The following EYS variants were observed in gnomAD, a reference collection of about 807,000 sequenced individuals.
EYS encodes the protein EGF-like photoreceptor maintenance factor, also known as protein eyes shut homolog.
Under a neutral mutation model 282.1 loss-of-function variants are expected in EYS, and 250 were observed. That is an observed-to-expected ratio of 0.89 (90% CI 0.80 to 0.98). EYS has a LOEUF of 0.98. EYS is among the 50% of genes least tolerant of loss of function. EYS has a pLI of 0.00. For missense variants in EYS, 4,016 were observed against 3,709.0 expected (o/e 1.08, Z -2.15); for synonymous variants, 1,355 against 1,282.9 (o/e 1.06, Z -1.20).
At chr6:65,603,611 A>C (rs1765684196) in intron 2 of EYS, among the ~76,000 whole-genome samples, 1 of 152,018 alleles carries the variant, frequency 6.6e-6, no homozygotes, top group South Asian at 2.1e-4. Flanking sequence ...TACATATCAC[A>C]CTGAAGAGGT....
At chr6:64,161,096 T>A (rs1775092710) in intron 31 of EYS, among the ~76,000 whole-genome samples, 1 of 152,226 alleles carries the variant, frequency 6.6e-6, no homozygotes, top group Non-Finnish European at 1.5e-5. Flanking sequence ...ACATGTTACT[T>A]GAATTACCAA....
intron 29 of EYS, among the ~76,000 whole-genome samples, chr6:64,351,035 A>T (rs956729546): frequency 6.7e-6 from 1 of 149,588 alleles, no homozygotes; most frequent in South Asian, 2.1e-4. Context: ...AGGCCTACCC[A>T]GCCATGTGAA....
chr6:64,078,213 A>G (rs1277949676), intron 32 of EYS, among the ~76,000 whole-genome samples: 2 of 152,212 alleles, frequency 1.3e-5, no homozygotes, highest in African/African-American at 4.8e-5. Context: ...AATGGAATTG[A>G]GTTGAACTGA....
At chr6:65,616,649 G>T (rs1358561093) in intron 2 of EYS, among the ~76,000 whole-genome samples, 1 of 151,936 alleles carries the variant, frequency 6.6e-6, no homozygotes, top group Non-Finnish European at 1.5e-5. Flanking sequence ...TGCTGGGTGT[G>T]GTGGCACGTG....
At chr6:65,577,485 C>G (rs139263539) in intron 2 of EYS, among the ~76,000 whole-genome samples, 214 of 151,782 alleles carry the variant, frequency 1.4e-3, no homozygotes, top group African/African-American at 5.0e-3. Context: ...GGAAAAAACA[C>G]AGAGGAAAAG....
chr6:64,046,424 C>A (rs1334219039), intron 33 of EYS, among the ~76,000 whole-genome samples: 1 of 152,082 alleles, frequency 6.6e-6, no homozygotes, highest in Non-Finnish European at 1.5e-5. Flanking sequence ...TGAAAAGGAT[C>A]ATCTTTATGA....
chr6:65,319,585 A>C (rs6938639), intron 11 of EYS, among the ~76,000 whole-genome samples: 1,580 of 152,226 alleles, frequency 0.01, 21 homozygotes, highest in African/African-American at 0.036. Context: ...CTTTATTAAG[A>C]TGATGTCCAA....
chr6:64,044,373 A>G (rs2149839275), intron 33 of EYS, among the ~76,000 whole-genome samples: 1 of 152,292 alleles, frequency 6.6e-6, no homozygotes, highest in Middle Eastern at 3.4e-3. Flanking sequence ...TCTGCCCATC[A>G]GTATTACCTC....
At chr6:65,589,852 T>C (rs569966615) in intron 2 of EYS, among the ~76,000 whole-genome samples, 18 of 152,112 alleles carry the variant, frequency 1.2e-4, no homozygotes, top group African/African-American at 4.3e-4. Context: ...TAATGGCCTA[T>C]GTTTTAACTT....
intron 31 of EYS, among the ~76,000 whole-genome samples, chr6:64,142,100 C>G (rs1163928680): frequency 6.6e-6 from 1 of 151,916 alleles, no homozygotes; most frequent in Non-Finnish European, 1.5e-5. Context: ...CCTAGGAGTC[C>G]TCGAGGTGGA....
In EYS at chr6:65,490,672, G is replaced by T; in HGVS notation, c.784C>A (p.Pro262Thr). ...CAGTTTCCATGGAAACAGACATGTG[G>T]TTGACACTGGCCAATTATTTCTGAG... ...NCSEIIGQCQ[P>T]HVCFHGNCSN... Residue 262 changes from proline to threonine, a missense_variant, in exon 5 of 43, where the codon CCA becomes ACA. Pro to Thr is a conservative substitution (Grantham distance 38). Transcript: ENST00000503581. 1 of 1,612,486 alleles carries T rather than the reference G, an allele frequency of 6.2e-7. No individual in the cohort carries two copies. The highest frequency in any genetic ancestry group is 8.5e-7 in the Non-Finnish European group (1 of 1,178,904).
intron 10 of EYS, among the ~76,000 whole-genome samples, chr6:65,338,551 C>T (rs996420082): frequency 6.6e-6 from 1 of 150,926 alleles, no homozygotes; most frequent in African/African-American, 2.4e-5. Flanking sequence ...TTTCACAGGT[C>T]AACTGTATAT....
chr6:64,085,344 A>G (rs867073338), intron 31 of EYS, among the ~76,000 whole-genome samples: 4 of 148,164 alleles, frequency 2.7e-5, no homozygotes, highest in African/African-American at 5.1e-5. Flanking sequence ...GCGCGCGCAC[A>G]CACACACACA....
chr6:64,624,922 T>C (rs528376720), intron 23 of EYS, among the ~76,000 whole-genome samples: 1 of 152,248 alleles, frequency 6.6e-6, no homozygotes, highest in East Asian at 1.9e-4. Context: ...TGGAGTTCAG[T>C]GGCTATCCAC....
chr6:65,005,854 G>A (rs566719107), intron 13 of EYS, among the ~76,000 whole-genome samples: 11 of 152,330 alleles, frequency 7.2e-5, no homozygotes, highest in Admixed American at 3.9e-4. Flanking sequence ...TCGCCCATGC[G>A]TGCACCCCTA....
At chr6:64,049,861 G>A (rs1174961146) in intron 33 of EYS, among the ~76,000 whole-genome samples, 1 of 152,104 alleles carries the variant, frequency 6.6e-6, no homozygotes, top group Non-Finnish European at 1.5e-5. Context: ...TCATAAAAAC[G>A]GGGTTCATGT....
intron 40 of EYS, among the ~76,000 whole-genome samples, chr6:63,766,525 G>T (rs1268506859): frequency 1.3e-5 from 2 of 152,064 alleles, no homozygotes; most frequent in African/African-American, 4.8e-5. Context: ...TGGGGATGCA[G>T]AGGTTGAAGT....
intron 26 of EYS, among the ~76,000 whole-genome samples, chr6:64,466,913 T>C (rs2150489385): frequency 6.6e-6 from 1 of 152,242 alleles, no homozygotes; most frequent in South Asian, 2.1e-4. Flanking sequence ...AAAAAATCTG[T>C]TAATCTGAAG....
chr6:64,857,028 G>A (rs6940123), intron 19 of EYS, among the ~76,000 whole-genome samples: 23,170 of 151,946 alleles, frequency 0.15, 2,001 homozygotes, highest in East Asian at 0.43. Flanking sequence ...TGCATCATTT[G>A]CTTAAAAAAC....
Sources: allele counts gnomAD v4.1 joint callset (sites outside exome capture counted in the v4.1 genomes callset), GRCh38; gene constraint gnomAD v4.1.1; transcripts MANE v1.5; gene names NCBI Gene and HGNC (gene_info 2026-07-23, HGNC 2026-07-21).